The following PLD5 variants were observed in gnomAD, a reference collection of about 807,000 sequenced individuals.
PLD5 encodes inactive phospholipase D5.
PLD5 carries 36 observed loss-of-function variants against 61.1 expected under a neutral mutation model. That is an observed-to-expected ratio of 0.59 (90% CI 0.45 to 0.78). The LOEUF is 0.78. PLD5 is among the 30% of genes least tolerant of loss of function. The probability of loss-of-function intolerance (pLI) is 0.00; values close to 1 mark genes in which losing one functional copy is unlikely to be tolerated. For missense variants in PLD5, 515 were observed against 644.4 expected (o/e 0.80, Z 2.17); for synonymous variants, 243 against 242.8 (o/e 1.00, Z -0.01).
At chr1:242,109,588 C>G (rs1307766989) in intron 7 of PLD5, among the ~76,000 whole-genome samples, 2 of 152,278 alleles carry the variant, frequency 1.3e-5, no homozygotes, top group Admixed American at 6.5e-5. Flanking sequence ...CCCTTGCCCC[C>G]TCTCCAGTTA....
intron 5 of PLD5, among the ~76,000 whole-genome samples, chr1:242,175,936 G>A (rs575603325): frequency 6.6e-6 from 1 of 152,084 alleles, no homozygotes; most frequent in Non-Finnish European, 1.5e-5. Flanking sequence ...AAATAAGAGA[G>A]GACACAAACA....
chr1:242,372,046 C>T (rs1661666510), intron 1 of PLD5, among the ~76,000 whole-genome samples: 1 of 151,988 alleles, frequency 6.6e-6, no homozygotes, highest in African/African-American at 2.4e-5. Context: ...CCTGACAGGC[C>T]CTGGTGTGTG....
rs1225614280 is a variant in PLD5, at chr1:242,088,238, C to T, written c.*1616G>A. The T allele has an allele frequency of 1.3e-5, 2 of 152,160 alleles. No homozygotes were observed. Among genetic ancestry groups the T allele is most frequent in the African/African-American group, 4.8e-5 (2 of 41,446 alleles). 9.4% of individuals were successfully genotyped at this position (152,160 alleles called of 1,614,324 possible). ...TAGTTTTGTGTTGATGTTATTCATG[C>T]CAAAGCAGCCCAACGCAATGTTCTA... On this transcript the variant is annotated 3_prime_UTR_variant, in exon 10 of 10. Transcript: ENST00000536534.
At chr1:242,340,903 C>T (rs1448354052) in intron 2 of PLD5, among the ~76,000 whole-genome samples, 1 of 152,018 alleles carries the variant, frequency 6.6e-6, no homozygotes, top group East Asian at 1.9e-4. Context: ...TACAATTGTT[C>T]ATTACTGCAG....
intron 5 of PLD5, among the ~76,000 whole-genome samples, chr1:242,155,510 C>G (rs145484247): frequency 2.0e-5 from 3 of 152,312 alleles, no homozygotes; most frequent in African/African-American, 7.2e-5. Flanking sequence ...TCCCTCTCCA[C>G]ACTGCTTTCA....
intron 1 of PLD5, among the ~76,000 whole-genome samples, chr1:242,405,570 C>T (rs1470194167): frequency 2.0e-5 from 3 of 151,500 alleles, no homozygotes; most frequent in Admixed American, 6.6e-5. Context: ...GGAACTGTTA[C>T]GTTGCACCAT....
intron 5 of PLD5, among the ~76,000 whole-genome samples, chr1:242,153,730 G>T (rs1558279058): frequency 6.6e-6 from 1 of 152,114 alleles, no homozygotes; most frequent in Non-Finnish European, 1.5e-5. Context: ...TTTGGTACCA[G>T]TACCATGCTG....
chr1:242,330,813 A>G (rs1451233517), intron 2 of PLD5, among the ~76,000 whole-genome samples: 6 of 152,216 alleles, frequency 3.9e-5, no homozygotes, highest in Non-Finnish European at 8.8e-5. Context: ...TTTCATAGAC[A>G]TACTTTTAGA....
intron 5 of PLD5, among the ~76,000 whole-genome samples, chr1:242,219,655 G>A (rs1164614302): frequency 1.3e-5 from 2 of 152,140 alleles, no homozygotes; most frequent in African/African-American, 4.8e-5. Context: ...GAATTTTTGT[G>A]TTTCCCCCTG....
intron 1 of PLD5, among the ~76,000 whole-genome samples, chr1:242,384,919 GGA>G (rs1447537949): frequency 6.6e-6 from 1 of 152,098 alleles, no homozygotes; most frequent in Non-Finnish European, 1.5e-5. Context: ...TAATATCTTG[GGA>G]AATAAATATT....
chr1:242,506,388 T>C (rs2102995686), intron 1 of PLD5, among the ~76,000 whole-genome samples: 2 of 152,282 alleles, frequency 1.3e-5, no homozygotes, highest in East Asian at 3.9e-4. Flanking sequence ...AGGAAGAAGA[T>C]GAACTTCCCA....
intron 8 of PLD5, among the ~76,000 whole-genome samples, chr1:242,101,482 C>T (rs1293628281): frequency 6.6e-6 from 1 of 152,164 alleles, no homozygotes; most frequent in Non-Finnish European, 1.5e-5. Flanking sequence ...GCTAAATTTT[C>T]AGATGAGGCT....
intron 1 of PLD5, among the ~76,000 whole-genome samples, chr1:242,402,058 C>T (rs1219350996): frequency 6.6e-6 from 1 of 152,208 alleles, no homozygotes; most frequent in Admixed American, 6.5e-5. Flanking sequence ...TCTTCCAAGG[C>T]CTTAGCACTC....
At chr1:242,346,049 T>C (rs2342261) in intron 2 of PLD5, among the ~76,000 whole-genome samples, 2 of 105,592 alleles carry the variant, frequency 1.9e-5, no homozygotes, top group African/African-American at 3.9e-5. Context: ...ATATCATATT[T>C]ATATCACATA....
intron 1 of PLD5, among the ~76,000 whole-genome samples, chr1:242,516,135 C>G (rs1004110002): frequency 9.2e-5 from 14 of 151,846 alleles, no homozygotes; most frequent in Non-Finnish European, 1.8e-4. Flanking sequence ...GTCTTCCTCA[C>G]TTTTCTGTTG....
At chr1:242,152,506 G>A (rs772682145) in intron 5 of PLD5, among the ~76,000 whole-genome samples, 2 of 149,056 alleles carry the variant, frequency 1.3e-5, no homozygotes, top group Non-Finnish European at 3.0e-5. Context: ...CCCTCCCCTA[G>A]CCCCCTACCC....
At chr1:242,327,867 G>A (rs1012701064) in intron 2 of PLD5, among the ~76,000 whole-genome samples, 3 of 152,112 alleles carry the variant, frequency 2.0e-5, no homozygotes, top group Admixed American at 2.0e-4. Context: ...TTAAGCAAAG[G>A]ATTGTTTCAG....
chr1:242,376,916 C>A (rs1661995009), intron 1 of PLD5: 5 of 1,598,708 alleles, frequency 3.1e-6, no homozygotes, highest in Non-Finnish European at 4.3e-6. Context: ...CATGGATCAT[C>A]TGTGGCTATT....
At chr1:242,483,385 CA>C (rs567428655) in intron 1 of PLD5, among the ~76,000 whole-genome samples, 1 of 151,510 alleles carries the variant, frequency 6.6e-6, no homozygotes, top group African/African-American at 2.4e-5. Flanking sequence ...AAATGGAAAA[CA>C]AAAAAAGGCA....
Sources: gnomAD v4.1 joint callset for allele counts (sites outside exome capture counted in the v4.1 genomes callset) on GRCh38, gnomAD v4.1.1 for gene constraint, MANE v1.5 for transcripts, NCBI Gene and HGNC (gene_info 2026-07-23, HGNC 2026-07-21) for gene names.